HPS4: variants seen among roughly 807,000 people sequenced by gnomAD.
HPS4 encodes the protein HPS4 biogenesis of lysosomal organelles complex 3 subunit 2, also known as BLOC-3 complex member HPS4.
Under a neutral mutation model 70.3 loss-of-function variants are expected in HPS4, and 44 were observed. The observed-to-expected ratio is 0.63, with a 90% CI of 0.49 to 0.80. HPS4 has a LOEUF of 0.80. HPS4 is among the 30% of genes least tolerant of loss of function. The pLI, the probability that HPS4 is intolerant of heterozygous loss-of-function variation, is 0.00. For synonymous variants in HPS4, 377 were observed against 355.9 expected, an observed-to-expected ratio of 1.06 and a Z score of -0.67; for missense variants, 873 against 884.4, an observed-to-expected ratio of 0.99 and a Z score of 0.16.
At chr22:26,476,460 C>G (rs1412187270) in intron 4 of HPS4, 2 of 156,224 alleles carry the variant, frequency 1.3e-5, no homozygotes, top group African/African-American at 4.8e-5. Flanking sequence ...GCAATCCTCC[C>G]CTCAGCCTCC....
chr22:26,466,278 C>T lies in HPS4; in HGVS notation c.670-16G>A, dbSNP rs1263500984. ...TAGGGAGTCTCTGAAAACAAACACA[C>T]ACAGAAGTTGGCGCTGGGCACCACA... On this transcript the variant is annotated splice_polypyrimidine_tract_variant and intron_variant, in intron 8 of 13. Coordinates refer to ENST00000398145, the MANE Select transcript of HPS4 (RefSeq NM_022081.6). The T allele has an allele frequency of 3.1e-6, 5 of 1,614,014 alleles. No individual in the cohort carries two copies. The highest frequency in any genetic ancestry group is 4.2e-6 in the Non-Finnish European group (5 of 1,179,974).
At chr22:26,472,551 TC>T (rs1455115389) in intron 5 of HPS4, 133 bp from the exon 6 acceptor site, 2 of 780,038 alleles carry the variant, frequency 2.6e-6, no homozygotes, top group Middle Eastern at 2.7e-4. Flanking sequence ...TTTAAACCTA[TC>T]CCATCACAGA....
chr22:26,446,389 T>A (rs1048317087), downstream of HPS4, among the ~76,000 whole-genome samples: 1 of 152,178 alleles, frequency 6.6e-6, no homozygotes, highest in African/African-American at 2.4e-5. Flanking sequence ...CTCCGTAGCA[T>A]ACTGTGGGGG....
intron 3 of HPS4, among the ~76,000 whole-genome samples, chr22:26,477,682 G>T (rs141413548): frequency 1.3e-5 from 2 of 152,240 alleles, no homozygotes; most frequent in African/African-American, 4.8e-5. Context: ...CACCACCCAT[G>T]AAGAATTCTT....
intron 3 of HPS4, 33 bp from the exon 4 acceptor site, chr22:26,477,169 C>G: frequency 6.2e-7 from 1 of 1,613,650 alleles, no homozygotes; most frequent in Non-Finnish European, 8.5e-7. Context: ...AGATAGGAAG[C>G]TGAAATTCTT....
intron 4 of HPS4, among the ~76,000 whole-genome samples, 170 bp from the exon 5 acceptor site, chr22:26,473,109 C>G (rs1296257547): frequency 6.6e-6 from 1 of 152,180 alleles, no homozygotes; most frequent in Non-Finnish European, 1.5e-5. Flanking sequence ...TCTCCATGGA[C>G]AAGTAAGTTC....
chr22:26,446,758 CAG>C (rs900812246), downstream of HPS4, among the ~76,000 whole-genome samples: 24 of 152,234 alleles, frequency 1.6e-4, no homozygotes, highest in Admixed American at 7.8e-4. Flanking sequence ...TTTTTTGAGA[CAG>C]AGTCTCCTCT....
intron 2 of HPS4, chr22:26,479,787 C>T (rs2091076156): frequency 4.6e-6 from 3 of 657,164 alleles, no homozygotes; most frequent in Middle Eastern, 1.5e-3. Flanking sequence ...GCCCTTCTAC[C>T]AGGAATTCAT....
chr22:26,456,129 GGAATCAGA>G (rs572439692), intron 13 of HPS4, among the ~76,000 whole-genome samples: 3 of 152,258 alleles, frequency 2.0e-5, no homozygotes, highest in South Asian at 2.1e-4. Context: ...CGGGTGACAG[GGAATCAGA>G]ACCATCCTAA....
downstream of HPS4, among the ~76,000 whole-genome samples, chr22:26,448,538 C>A (rs1475215592): frequency 6.6e-6 from 1 of 152,174 alleles, no homozygotes; most frequent in Non-Finnish European, 1.5e-5. Context: ...CAGCCTGGGC[C>A]TCAAGCCCTT....
Position 26,451,103 on chromosome 22 carries a change from T to TCC in HPS4, c.*2128_*2129dup, listed in dbSNP as rs761998254. Among the ~76,000 whole-genome samples the TCC allele has an allele frequency of 5.9e-5, 9 of 151,966 alleles. No homozygotes were observed. The highest frequency in any genetic ancestry group is 1.3e-4 in the Non-Finnish European group (9 of 67,998). On this transcript the variant is annotated 3_prime_UTR_variant, in exon 14 of 14. Coordinates refer to ENST00000398145, the MANE Select transcript of HPS4 (RefSeq NM_022081.6). ...AGTGGCACTCGGTGTCAACTAGGAG[T>TCC]CCAGGGTGGGCAGGCTGTCCTGCAC... is the stretch of plus-strand genomic sequence containing the variant.
At chr22:26,458,600 G>A (rs1466635797) in intron 11 of HPS4, 23 bp from the exon 12 acceptor site, 2 of 1,613,628 alleles carry the variant, frequency 1.2e-6, no homozygotes, top group African/African-American at 1.3e-5. Flanking sequence ...AGAGGGTCAT[G>A]GGCTTGTAGG....
chr22:26,474,032 T>C (rs143937506), intron 4 of HPS4, among the ~76,000 whole-genome samples: 54 of 152,360 alleles, frequency 3.5e-4, no homozygotes, highest in African/African-American at 1.2e-3. Flanking sequence ...ATGAACAGAC[T>C]GAATGCAATT....
At chr22:26,474,250 C>T (rs1399759146) in intron 4 of HPS4, among the ~76,000 whole-genome samples, 3 of 152,018 alleles carry the variant, frequency 2.0e-5, no homozygotes, top group Admixed American at 6.5e-5. Flanking sequence ...GTGGAAAAGC[C>T]GAAAAGAGTC....
chr22:26,443,228 C>T (rs771483098), downstream of HPS4: 24 of 1,604,412 alleles, frequency 1.5e-5, no homozygotes, highest in East Asian at 2.2e-5. Context: ...ATGCTGGAGT[C>T]GGCGAGAAGG....
intron 5 of HPS4, among the ~76,000 whole-genome samples, 164 bp from the exon 6 acceptor site, chr22:26,472,582 G>T (rs976361087): frequency 1.3e-5 from 2 of 152,216 alleles, no homozygotes; most frequent in Non-Finnish European, 2.9e-5. Flanking sequence ...CCTGCCGCGT[G>T]GGGGTGGCAA....
At chr22:26,472,687 G>A (rs1191194198) in intron 5 of HPS4, 145 bp downstream of exon 5, 4 of 785,174 alleles carry the variant, frequency 5.1e-6, no homozygotes, top group Non-Finnish European at 6.9e-6. Context: ...AGGCATATGA[G>A]GGGCCTCCAA....
At chr22:26,472,702 T>C in intron 5 of HPS4, 130 bp downstream of exon 5, 5 of 831,588 alleles carry the variant, frequency 6.0e-6, no homozygotes, top group Admixed American at 1.7e-5. Context: ...CTCCAAGAGC[T>C]CCTGACCTTG....
At chr22:26,448,312 ACT>A (rs1357807414), downstream of HPS4, among the ~76,000 whole-genome samples, 5 of 152,240 alleles carry the variant, frequency 3.3e-5, no homozygotes, top group Admixed American at 3.3e-4. Flanking sequence ...AGAAAAGGAC[ACT>A]GAGGCTCAGA....
Sources: allele counts gnomAD v4.1 joint callset (sites outside exome capture counted in the v4.1 genomes callset), GRCh38; gene constraint gnomAD v4.1.1; transcripts MANE v1.5; gene names NCBI Gene and HGNC (gene_info 2026-07-23, HGNC 2026-07-21).